Variants in DLL4 observed in about 807,000 individuals in gnomAD.
DLL4 encodes delta-like protein 4.
DLL4 carries 7 observed loss-of-function variants against 73.6 expected under a neutral mutation model. The ratio of observed to expected loss-of-function variants is 0.10; its 90% CI spans 0.05 to 0.18. The LOEUF is 0.18. Among genes scored for constraint, DLL4 ranks in the 10% least tolerant of loss-of-function variants. The pLI is 1.00. For missense variants in DLL4, 614 were observed against 929.9 expected, an observed-to-expected ratio of 0.66 and a Z score of 4.42; for synonymous variants, 345 against 374.3, an observed-to-expected ratio of 0.92 and a Z score of 0.90.
Position 40,930,155 on chromosome 15 carries a change from C to CGA in DLL4, c.336+45_336+46dup. The CGA allele has an allele frequency of 6.3e-7, 1 of 1,589,656 alleles. No homozygotes were observed. Among genetic ancestry groups the CGA allele is most frequent in the Non-Finnish European group, 8.6e-7 (1 of 1,168,636 alleles). On this transcript the variant is annotated intron_variant, in intron 2 of 10. Transcript: ENST00000249749. The surrounding 1 kb of genome is among the most constrained non-coding windows in gnomAD (Gnocchi z 5.7). ...GGGCGCACTGGGAGGTCGCAGAAGC[C>CGA]GAGAGAGGAGGCGCCCTGGGACCAA... is the stretch of plus-strand genomic sequence containing the variant.
In DLL4 at chr15:40,930,714, C is replaced by T. The variant is rs1431314382; in HGVS notation, c.394+32C>T. 3 of 1,606,170 alleles carry T rather than the reference C, an allele frequency of 1.9e-6. No homozygotes were observed. The highest frequency in any genetic ancestry group is 2.6e-6 in the Non-Finnish European group (3 of 1,173,470). ...AGCTCGCTCCGCCACCACAGGGGGGCGACACGGCGCAGCGCCGAAAGAGTT... is the reference window on the plus strand; with the variant it reads ...AGCTCGCTCCGCCACCACAGGGGGGTGACACGGCGCAGCGCCGAAAGAGTT... On this transcript the variant is annotated intron_variant, in intron 3 of 10. Transcript: ENST00000249749. The surrounding 1 kb of genome is among the most constrained non-coding windows in gnomAD (Gnocchi z 5.7).
In DLL4 at chr15:40,930,753, CGG is replaced by C; in HGVS notation, c.394+75_394+76del. 1 of 1,383,892 alleles carries C rather than the reference CGG, an allele frequency of 7.2e-7. No individual in the cohort carries two copies. The highest frequency in any genetic ancestry group is 1.0e-6 in the Non-Finnish European group (1 of 982,110). 85.7% of individuals were successfully genotyped at this position (1,383,892 alleles called of 1,614,324 possible). The stretch of plus-strand genomic sequence containing the variant: ...GCCGAAAGAGTTAATCTGTTCTAGG[CGG>C]GGGAAGTGCGGGCTTGGGGGTGGGA... On this transcript the variant is annotated intron_variant, in intron 3 of 10. Transcript: ENST00000249749. The surrounding 1 kb of genome is among the most constrained non-coding windows in gnomAD (Gnocchi z 5.7).
At chr15:40,932,054 G>C (rs1306935677) in intron 4 of DLL4, 117 bp from the exon 5 acceptor site, 7 of 1,242,162 alleles carry the variant, frequency 5.6e-6, no homozygotes, top group Non-Finnish European at 8.0e-6. Context: ...CCTCTGGGAG[G>C]CCAGGAGTAG....
In DLL4 at chr15:40,929,561, G is replaced by A. The variant is rs191735938; in HGVS notation, c.-108G>A. The A allele has an allele frequency of 6.7e-6, 7 of 1,042,714 alleles. No individual in the cohort carries two copies. In the East Asian group the frequency reaches 1.6e-4, roughly 24 times the overall value. The allele number at this position is 1,042,714 out of a possible 1,614,324, so 64.6% of individuals were successfully genotyped here. A position where few individuals can be genotyped will look rare whatever the true frequency, so the allele number is the denominator to read the frequency against. On this transcript the variant is annotated 5_prime_UTR_variant, in exon 1 of 11. Coordinates refer to ENST00000249749, the MANE Select transcript of DLL4 (RefSeq NM_019074.4). The surrounding 1 kb of genome is among the most constrained non-coding windows in gnomAD (Gnocchi z 7.1). ...CCAAAGGGGAGCAGCGTCCCGAGAG[G>A]AGCGCCTCTTTTCAGGGACCCCGCC...
chr15:40,930,604 T>TC lies in DLL4; in HGVS notation c.337-15dup. On this transcript the variant is annotated intron_variant, in intron 2 of 10. Transcript: ENST00000249749. The surrounding 1 kb of genome is among the most constrained non-coding windows in gnomAD (Gnocchi z 5.7). The stretch of plus-strand genomic sequence containing the variant: ...GCTTGCTCATCTCGCCATCTCTCCG[T>TC]CCCCCCACCCCCTTTCCCAGGGTAC... The TC allele has an allele frequency of 1.2e-6, 2 of 1,608,576 alleles. No individual in the cohort carries two copies. Among genetic ancestry groups the TC allele is most frequent in the South Asian group, 2.2e-5 (2 of 90,710 alleles).
intron 3 of DLL4, 42 bp from the exon 4 acceptor site, chr15:40,931,461 G>A (rs1286707509): frequency 6.3e-7 from 1 of 1,580,458 alleles, no homozygotes; most frequent in Non-Finnish European, 8.6e-7. Context: ...GCACCCTTGG[G>A]GACTGGCGAC....
Position 40,936,257 on chromosome 15 carries a change from C to T in DLL4, c.1270C>T (p.Arg424Cys), listed in dbSNP as rs373338394. 1 of 1,604,302 alleles carries T rather than the reference C, an allele frequency of 6.2e-7. No homozygotes were observed. The highest frequency in any genetic ancestry group is 8.5e-7 in the Non-Finnish European group (1 of 1,176,688). Residue 424 changes from arginine to cysteine, a missense_variant, in exon 9 of 11, where the codon CGC becomes TGC. By Grantham distance (180) the Arg-to-Cys change is radical. Transcript: ENST00000249749. ...GGQCLNRGPS[R>C]MCRCRPGFTG... ...ACAGTGCCTGAACCGAGGTCCAAGC[C>T]GCATGTGCCGCTGCCGTCCTGGATT...
rs1892745401 is a variant in DLL4, at chr15:40,930,204, TAC to T, written c.336+95_336+96del. ...AAAGCCCCCTCCCCAGATTTCCTTG[TAC>T]ACACACCCCCACCCCCAAAAAGCCC... On this transcript the variant is annotated intron_variant, in intron 2 of 10. Coordinates refer to ENST00000249749, the MANE Select transcript of DLL4 (RefSeq NM_019074.4). The surrounding 1 kb of genome is among the most constrained non-coding windows in gnomAD (Gnocchi z 5.7). The T allele has an allele frequency of 6.8e-7, 1 of 1,470,500 alleles. No homozygotes were observed. The highest frequency in any genetic ancestry group is 9.2e-7 in the Non-Finnish European group (1 of 1,090,506). 91.1% of individuals were successfully genotyped at this position (1,470,500 alleles called of 1,614,324 possible). A position where few individuals can be genotyped will look rare whatever the true frequency, so the allele number is the denominator to read the frequency against.
chr15:40,937,384 C>A (rs758927901), intron 9 of DLL4, 34 bp from the exon 10 acceptor site: 4 of 1,469,592 alleles, frequency 2.7e-6, no homozygotes, highest in Non-Finnish European at 3.8e-6. Flanking sequence ...CTCTCCCCGT[C>A]CCTCCCTTAC....
Position 40,936,349 on chromosome 15 carries a change from T to C in DLL4, c.1362T>C (p.Thr454=). The C allele has an allele frequency of 6.2e-7, 1 of 1,610,836 alleles. No individual in the cohort carries two copies. Among genetic ancestry groups the C allele is most frequent in the Non-Finnish European group, 8.5e-7 (1 of 1,178,870 alleles). ...GTAACCCTTGCGCCCACGGTGGCAC[T>C]TGCCATGACCTGGAGAATGGGCTCA... is the stretch of plus-strand genomic sequence containing the variant. ...CARNPCAHGG[T]CHDLENGLMC... The change falls in exon 9 of 11, where the codon ACT becomes ACC. Residue 454 remains threonine, a synonymous_variant. Transcript: ENST00000249749.
Position 40,930,984 on chromosome 15 carries a change from T to C in DLL4, c.394+302T>C. The C allele has an allele frequency of 3.9e-6, 2 of 515,840 alleles. No homozygotes were observed. The highest frequency in any genetic ancestry group is 5.0e-5 in the South Asian group (2 of 39,764). 32.0% of individuals were successfully genotyped at this position (515,840 alleles called of 1,614,324 possible). A position where few individuals can be genotyped will look rare whatever the true frequency, so the allele number is the denominator to read the frequency against. On this transcript the variant is annotated intron_variant, in intron 3 of 10. Transcript: ENST00000249749. The surrounding 1 kb of genome is among the most constrained non-coding windows in gnomAD (Gnocchi z 5.7). ...ATTTTACACCTTTCGCGAATTCCGC[T>C]CCTTTGGAAAGGGAATAATGGCTTT...
rs1029020240 is a variant in DLL4, at chr15:40,929,586, C to T, written c.-83C>T. Reference sequence around the variant, plus strand: ...GAGCGCCTCTTTTCAGGGACCCCGCCGGCTGGCGGACGCGCGGGAAAGCGG... The same window carrying T: ...GAGCGCCTCTTTTCAGGGACCCCGCTGGCTGGCGGACGCGCGGGAAAGCGG... On this transcript the variant is annotated 5_prime_UTR_variant, in exon 1 of 11. Transcript: ENST00000249749. This position sits in a 1 kb window ranked among gnomAD's most constrained non-coding sequence, Gnocchi z 7.1. The T allele has an allele frequency of 1.1e-5, 14 of 1,323,890 alleles. No individual in the cohort carries two copies. Among genetic ancestry groups the T allele is most frequent in the East Asian group, 5.1e-5 (2 of 38,936 alleles). The allele number at this position is 1,323,890 out of a possible 1,614,324, so 82.0% of individuals were successfully genotyped here.
In DLL4 at chr15:40,930,685, G is replaced by A. The variant is rs967159928; in HGVS notation, c.394+3G>A. On this transcript the variant is annotated splice_donor_region_variant and intron_variant, in intron 3 of 10. Coordinates refer to ENST00000249749, the MANE Select transcript of DLL4 (RefSeq NM_019074.4). The surrounding 1 kb of genome is among the most constrained non-coding windows in gnomAD (Gnocchi z 5.7). ...GCCAGGAGACGACCTGCGGCCAGGTGAGTAGCTCGCTCCGCCACCACAGGG... is the reference window on the plus strand; with the variant it reads ...GCCAGGAGACGACCTGCGGCCAGGTAAGTAGCTCGCTCCGCCACCACAGGG... 5.0e-6 allele frequency: 8 copies of A among 1,613,460 alleles called. No homozygotes were observed. The African/African-American group carries it at 8.0e-5, about 16-fold the overall frequency.
chr15:40,937,498 A>G lies in DLL4; in HGVS notation c.2024A>G (p.Glu675Gly). ...CAGTCTGTGTGTTTGATATCAGAGG[A>G]GAGGAATGAATGTGTCATTGCCACG... ...MYQSVCLISE[E>G]RNECVIATEV The change falls in exon 10 of 11, where the codon GAG becomes GGG. Residue 675 changes from glutamate (E) to glycine (G), a missense_variant. Around this residue, in one of 3 missense-constraint regions of DLL4, gnomAD observed 386 missense variants for 541.3 expected, o/e 0.71. Transcript: ENST00000249749. 1 of 1,613,282 alleles carries G rather than the reference A, an allele frequency of 6.2e-7. No homozygotes were observed. The highest frequency in any genetic ancestry group is 1.1e-5 in the South Asian group (1 of 91,072).
Position 40,934,534 on chromosome 15 carries a change from T to C in DLL4, c.851-14T>C, listed in dbSNP as rs1299519844. On this transcript the variant is annotated splice_polypyrimidine_tract_variant and intron_variant, in intron 6 of 10. Coordinates refer to ENST00000249749, the MANE Select transcript of DLL4 (RefSeq NM_019074.4). ...CCCTGGCCCTGCTCAGCTGCTTGGT[T>C]CCTGTTTCTGCAGATCTCAACTACT... 7.4e-6 allele frequency: 12 copies of C among 1,612,776 alleles called. No homozygotes were observed. Among genetic ancestry groups the C allele is most frequent in the African/African-American group, 1.3e-5 (1 of 74,844 alleles).
In DLL4 at chr15:40,932,298, C is replaced by A. The variant is rs1214422121; in HGVS notation, c.720-19C>A. ...GGCCAAGGCCTCTCACCTCACTCTG[C>A]CTCTCTCTTGTTCCCCAGCTGCCGC... On this transcript the variant is annotated intron_variant, in intron 5 of 10. Transcript: ENST00000249749. 1 of 1,614,034 alleles carries A rather than the reference C, an allele frequency of 6.2e-7. No homozygotes were observed. Among genetic ancestry groups the A allele is most frequent in the Non-Finnish European group, 8.5e-7 (1 of 1,179,900 alleles).
rs1231707656 is a variant in DLL4, at chr15:40,930,212, C to T, written c.336+96C>T. 36 of 1,406,244 alleles carry T rather than the reference C, an allele frequency of 2.6e-5. No homozygotes were observed. Among genetic ancestry groups the T allele is most frequent in the Non-Finnish European group, 3.5e-5 (36 of 1,040,424 alleles). The allele number at this position is 1,406,244 out of a possible 1,614,324, so 87.1% of individuals were successfully genotyped here. ...CTCCCCAGATTTCCTTGTACACACACCCCCACCCCCAAAAAGCCCAGGATG... is the reference window on the plus strand; with the variant it reads ...CTCCCCAGATTTCCTTGTACACACATCCCCACCCCCAAAAAGCCCAGGATG... On this transcript the variant is annotated intron_variant, in intron 2 of 10. Transcript: ENST00000249749. This position sits in a 1 kb window ranked among gnomAD's most constrained non-coding sequence, Gnocchi z 5.7.
chr15:40,933,170 A>T (rs1316692851), intron 6 of DLL4, among the ~76,000 whole-genome samples: 1 of 152,148 alleles, frequency 6.6e-6, no homozygotes, highest in Non-Finnish European at 1.5e-5. Context: ...ACACCGGCGC[A>T]GGCCTGGGTA....
Position 40,930,322 on chromosome 15 carries a change from C to T in DLL4, c.336+206C>T, listed in dbSNP as rs528438568. 108 of 698,884 alleles carry T rather than the reference C, an allele frequency of 1.5e-4. No homozygotes were observed. The African/African-American group carries it at 1.9e-3, about 12-fold the overall frequency. 43.3% of individuals were successfully genotyped at this position (698,884 alleles called of 1,614,324 possible). A position where few individuals can be genotyped will look rare whatever the true frequency, so the allele number is the denominator to read the frequency against. ...CAGTCTCCGTCTTCCCAGTTTATGT[C>T]CTCCCGTCCCCAGCTCTTGGGACAC... On this transcript the variant is annotated intron_variant, in intron 2 of 10. Coordinates refer to ENST00000249749, the MANE Select transcript of DLL4 (RefSeq NM_019074.4). This position sits in a 1 kb window ranked among gnomAD's most constrained non-coding sequence, Gnocchi z 5.7.
Sources: gnomAD v4.1 joint callset for allele counts (sites outside exome capture counted in the v4.1 genomes callset) on GRCh38, gnomAD v4.1.1 for gene constraint, gnomAD v4.1.1 regional missense constraint, Gnocchi (gnomAD v3.1) non-coding constraint, MANE v1.5 for transcripts, NCBI Gene and HGNC (gene_info 2026-07-23, HGNC 2026-07-21) for gene names.